Variants in KANSL1L observed in about 807,000 individuals in gnomAD.
The protein encoded by KANSL1L is KAT8 regulatory NSL complex subunit 1-like protein.
Under a neutral mutation model 108.6 loss-of-function variants are expected in KANSL1L, and 25 were observed. That is an observed-to-expected ratio of 0.23 (90% confidence interval 0.17 to 0.32). The LOEUF is 0.32. Among genes scored for constraint, KANSL1L ranks in the 10% least tolerant of loss-of-function variants. The pLI is 1.00. For missense variants in KANSL1L, 1,137 were observed against 1,125.7 expected (o/e 1.01, Z -0.14); for synonymous variants, 405 against 395.1 (o/e 1.03, Z -0.30).
intron 5 of KANSL1L, among the ~76,000 whole-genome samples, chr2:210,083,801 C>A (rs1439989562): frequency 6.9e-6 from 1 of 145,286 alleles, no homozygotes; most frequent in Non-Finnish European, 1.5e-5. Context: ...TGCACTCCAG[C>A]CCTGGGCGAC....
intron 6 of KANSL1L, among the ~76,000 whole-genome samples, chr2:210,049,778 G>A (rs1233356921): frequency 6.6e-6 from 1 of 152,148 alleles, no homozygotes; most frequent in Non-Finnish European, 1.5e-5. Context: ...AGCTACAATT[G>A]GAGTTGCTAT....
intron 5 of KANSL1L, among the ~76,000 whole-genome samples, chr2:210,092,763 G>A (rs188578058): frequency 1.2e-4 from 18 of 152,014 alleles, no homozygotes; most frequent in African/African-American, 4.3e-4. Context: ...ATTTCCCTAG[G>A]CTAAAAAAGG....
chr2:210,085,852 G>A (rs1184013029), intron 5 of KANSL1L, among the ~76,000 whole-genome samples: 3 of 150,182 alleles, frequency 2.0e-5, no homozygotes, highest in Admixed American at 1.3e-4. Context: ...ATAATATTAG[G>A]TTTTAGGCTT....
rs778475732 is a variant in KANSL1L at position 210,154,482 on chromosome 2, C to A, written c.101G>T (p.Arg34Ile). ...TCCCTTTAGCTTTTCATCTACAGTT[C>A]TGGGACTTTCCATGTAGAGCATCTT... ...SDKMLYMESPRTVDEKLKGDT... is the reference protein window; with the variant it reads ...SDKMLYMESPITVDEKLKGDT... Residue 34 changes from arginine to isoleucine, a missense_variant, in exon 2 of 15, where the codon AGA becomes ATA. Physicochemically the swap from Arg to Ile is moderately conservative, Grantham distance 97. Coordinates refer to ENST00000281772, the MANE Select transcript of KANSL1L (RefSeq NM_152519.4). The A allele has an allele frequency of 6.2e-7, 1 of 1,612,080 alleles. No individual in the cohort carries two copies. Among genetic ancestry groups the A allele is most frequent in the South Asian group, 1.1e-5 (1 of 90,496 alleles).
rs557541727 is a variant in KANSL1L at position 210,080,361 on chromosome 2, T to G, written c.1551-4605A>C. 7.9e-5 allele frequency: 12 copies of G among 152,274 alleles called. No individual in the cohort carries two copies. In the East Asian group the frequency reaches 2.3e-3, roughly 29 times the overall value. The allele number at this position is 152,274 out of a possible 1,614,324, so 9.4% of individuals were successfully genotyped here. On this transcript the variant is annotated intron_variant, in intron 5 of 14. Transcript: ENST00000281772. Reference sequence around the variant, plus strand: ...GTGTTCTGAGAAAGAAAACAAATTTTTAATCTGAGAAATTCAAGTCCCTTT... The same window carrying G: ...GTGTTCTGAGAAAGAAAACAAATTTGTAATCTGAGAAATTCAAGTCCCTTT...
At chr2:210,025,568 T>C (rs964452129) in intron 12 of KANSL1L, among the ~76,000 whole-genome samples, 5 of 151,832 alleles carry the variant, frequency 3.3e-5, no homozygotes, top group Non-Finnish European at 5.9e-5. Flanking sequence ...AAAAGAAATA[T>C]AAGATCAGGT....
At chr2:210,077,529 A>G (rs1026498061) in intron 5 of KANSL1L, among the ~76,000 whole-genome samples, 25 of 152,072 alleles carry the variant, frequency 1.6e-4, no homozygotes, top group Non-Finnish European at 3.1e-4. Flanking sequence ...CAAGAAGAAG[A>G]CAGGTTTCAG....
intron 1 of KANSL1L, among the ~76,000 whole-genome samples, chr2:210,164,076 G>T (rs1353791737): frequency 6.6e-6 from 1 of 152,014 alleles, no homozygotes; most frequent in Non-Finnish European, 1.5e-5. Flanking sequence ...TTTTAAACTT[G>T]CTACTACTAG....
At chr2:210,106,963 G>A (rs1370297227) in intron 3 of KANSL1L, among the ~76,000 whole-genome samples, 1 of 152,066 alleles carries the variant, frequency 6.6e-6, no homozygotes, top group East Asian at 1.9e-4. Context: ...ACAGCAGAGA[G>A]TTTCTGTTCT....
chr2:210,037,609 T>C (rs1447865935), intron 8 of KANSL1L, among the ~76,000 whole-genome samples: 1 of 152,184 alleles, frequency 6.6e-6, no homozygotes, highest in African/African-American at 2.4e-5. Context: ...ACTAGAATAA[T>C]GAACTCCCGT....
At chr2:210,029,696 T>A in intron 10 of KANSL1L, 107 bp downstream of exon 10, 1 of 509,592 alleles carries the variant, frequency 2.0e-6, no homozygotes, top group Non-Finnish European at 3.5e-6. Context: ...TGTCTGTTAA[T>A]ATGTGCTAGT....
intron 12 of KANSL1L, among the ~76,000 whole-genome samples, chr2:210,026,722 C>T (rs909988089): frequency 4.6e-5 from 7 of 152,150 alleles, no homozygotes; most frequent in East Asian, 1.9e-4. Context: ...TGGATATTCA[C>T]GTAAATTCAG....
intron 2 of KANSL1L, among the ~76,000 whole-genome samples, chr2:210,151,039 G>A (rs1396967797): frequency 6.6e-6 from 1 of 151,870 alleles, no homozygotes; most frequent in Non-Finnish European, 1.5e-5. Context: ...TTTTTGATAT[G>A]AGTTTTACTC....
chr2:210,129,811 C>G (rs540530830), intron 2 of KANSL1L, among the ~76,000 whole-genome samples: 1 of 152,066 alleles, frequency 6.6e-6, no homozygotes, highest in East Asian at 1.9e-4. Context: ...GATTCACAAC[C>G]TACAGATCAC....
At chr2:210,090,161 G>A (rs2094680462) in intron 5 of KANSL1L, among the ~76,000 whole-genome samples, 1 of 151,990 alleles carries the variant, frequency 6.6e-6, no homozygotes, top group South Asian at 2.1e-4. Flanking sequence ...ACATTATTAG[G>A]CTGTTTCTTA....
At chr2:210,053,357 G>T (rs2094314131) in intron 6 of KANSL1L, among the ~76,000 whole-genome samples, 1 of 152,186 alleles carries the variant, frequency 6.6e-6, no homozygotes, top group Non-Finnish European at 1.5e-5. Flanking sequence ...AACACTTTGG[G>T]AGGCCGAGGT....
chr2:210,024,546 C>T (rs2093909069), intron 13 of KANSL1L, among the ~76,000 whole-genome samples: 1 of 151,840 alleles, frequency 6.6e-6, no homozygotes, highest in Non-Finnish European at 1.5e-5. Context: ...TGAGTTTTGG[C>T]TATTTTAAAA....
chr2:210,069,818 TTTTTTTTTTTTTTTTTTTTTTTTTTTTTG>T lies in KANSL1L; in HGVS notation c.1755+5705_1755+5733del, dbSNP rs2094493683. Among the ~76,000 whole-genome samples the T allele has an allele frequency of 1.1e-4, 4 of 37,170 alleles. No homozygotes were observed. In the East Asian group the frequency reaches 2.8e-3, roughly 26 times the overall value. The allele number at this position is 37,170 out of a possible 152,430, so 24.4% of individuals were successfully genotyped here. Reference sequence around the variant, plus strand: ...TTTTTTTTTTTTTTTTTTTTTTTTTTTTTTTTTTTTTTTTTTTTTTTTTTTTTTGAGACAGAGTCTCACTCTGTCACCCA... The same window carrying T: ...TTTTTTTTTTTTTTTTTTTTTTTTTTAGACAGAGTCTCACTCTGTCACCCA... On this transcript the variant is annotated intron_variant, in intron 6 of 14. Transcript: ENST00000281772.
chr2:210,066,643 G>C (rs1364969294), intron 6 of KANSL1L, among the ~76,000 whole-genome samples: 1 of 152,132 alleles, frequency 6.6e-6, no homozygotes, highest in Non-Finnish European at 1.5e-5. Flanking sequence ...CCTTCCCAAA[G>C]TGTTGGGATT....
Sources: allele counts gnomAD v4.1 joint callset (sites outside exome capture counted in the v4.1 genomes callset), GRCh38; gene constraint gnomAD v4.1.1; transcripts MANE v1.5; gene names NCBI Gene and HGNC (gene_info 2026-07-23, HGNC 2026-07-21).